The following ENOX1 variants were observed in gnomAD, a reference collection of about 807,000 sequenced individuals.
ENOX1 encodes candidate growth-related and time keeping constitutive hydroquinone (NADH) oxidase.
A neutral mutation model predicts 82.5 loss-of-function variants in ENOX1; 42 were observed. The ratio of observed to expected loss-of-function variants is 0.51; its 90% CI spans 0.40 to 0.66. The LOEUF (loss-of-function observed/expected upper bound fraction) is 0.66, where lower values mean the gene tolerates loss of function less well. ENOX1 is among the 30% of genes least tolerant of loss of function. ENOX1 has a pLI of 0.00. For synonymous variants in ENOX1, 271 were observed against 282.2 expected (o/e 0.96, Z 0.40); for missense variants, 608 against 811.6 (o/e 0.75, Z 3.05).
chr13:43,771,539 G>A (rs1233035720), intron 1 of ENOX1, among the ~76,000 whole-genome samples: 1 of 152,106 alleles, frequency 6.6e-6, no homozygotes, highest in Non-Finnish European at 1.5e-5. Context: ...TTCTTTGAAA[G>A]ACTTTTGAAA....
chr13:43,663,554 C>T (rs2084833673), intron 2 of ENOX1, among the ~76,000 whole-genome samples: 1 of 152,126 alleles, frequency 6.6e-6, no homozygotes, highest in Admixed American at 6.6e-5. Context: ...AAAAGGTATA[C>T]TTAGTTTTAT....
At chr13:43,538,602 CTATT>C (rs1472738099) in intron 2 of ENOX1, among the ~76,000 whole-genome samples, 1 of 152,104 alleles carries the variant, frequency 6.6e-6, no homozygotes, top group Non-Finnish European at 1.5e-5. Context: ...CATGTATTAA[CTATT>C]TAATATATTA....
At chr13:43,555,875 C>T (rs1038573154) in intron 2 of ENOX1, among the ~76,000 whole-genome samples, 18 of 152,112 alleles carry the variant, frequency 1.2e-4, no homozygotes, top group Non-Finnish European at 8.8e-5. Context: ...TATGAATCTG[C>T]CCACTGCAGC....
intron 3 of ENOX1, among the ~76,000 whole-genome samples, chr13:43,472,375 T>C (rs1221251246): frequency 6.6e-6 from 1 of 152,230 alleles, no homozygotes; most frequent in Non-Finnish European, 1.5e-5. Context: ...GATTTTTTTC[T>C]ACATGTGAAT....
At chr13:43,233,841 G>A (rs1053337191) in intron 15 of ENOX1, among the ~76,000 whole-genome samples, 1 of 152,136 alleles carries the variant, frequency 6.6e-6, no homozygotes, top group African/African-American at 2.4e-5. Context: ...CTTCTAGGCT[G>A]GCCTAGAGCA....
At chr13:43,496,469 G>A (rs1170367271) in intron 2 of ENOX1, among the ~76,000 whole-genome samples, 1 of 151,338 alleles carries the variant, frequency 6.6e-6, no homozygotes, top group Non-Finnish European at 1.5e-5. Flanking sequence ...GACTGTAACC[G>A]AGTACCCCTG....
At chr13:43,406,639 C>T (rs1378074883) in intron 5 of ENOX1, among the ~76,000 whole-genome samples, 1 of 151,814 alleles carries the variant, frequency 6.6e-6, no homozygotes, top group Non-Finnish European at 1.5e-5. Context: ...ACTACAGGTG[C>T]CCGCCACCAT....
intron 13 of ENOX1, among the ~76,000 whole-genome samples, chr13:43,266,903 G>T (rs746746310): frequency 2.0e-4 from 31 of 152,242 alleles, no homozygotes; most frequent in Non-Finnish European, 4.1e-4. Context: ...GGACTATTTT[G>T]TGAATGTCTG....
At chr13:43,512,385 T>C (rs1199518873) in intron 2 of ENOX1, among the ~76,000 whole-genome samples, 1 of 152,090 alleles carries the variant, frequency 6.6e-6, no homozygotes, top group East Asian at 1.9e-4. Context: ...AACAAATGTA[T>C]TAAAAAAAGC....
chr13:43,563,593 G>T (rs935028973), intron 2 of ENOX1, among the ~76,000 whole-genome samples: 1 of 152,066 alleles, frequency 6.6e-6, no homozygotes, highest in African/African-American at 2.4e-5. Flanking sequence ...TGAAAAGTTG[G>T]TTTTTCGAAA....
intron 2 of ENOX1, among the ~76,000 whole-genome samples, chr13:43,516,505 T>C (rs1400806318): frequency 6.6e-6 from 1 of 152,098 alleles, no homozygotes; most frequent in Non-Finnish European, 1.5e-5. Context: ...AAGCAAGGAT[T>C]TTGAGAACTC....
At chr13:43,293,004 C>T (rs1362299143) in intron 12 of ENOX1, among the ~76,000 whole-genome samples, 3 of 152,016 alleles carry the variant, frequency 2.0e-5, no homozygotes, top group Middle Eastern at 3.4e-3. Flanking sequence ...CCACAACCAA[C>T]ATTAGCATCA....
intron 2 of ENOX1, among the ~76,000 whole-genome samples, chr13:43,499,813 A>C (rs538221174): frequency 6.6e-6 from 1 of 152,242 alleles, no homozygotes; most frequent in African/African-American, 2.4e-5. Flanking sequence ...AATTATCTTA[A>C]AGAAGCTCAG....
At chr13:43,255,744 A>G (rs1347407192) in intron 14 of ENOX1, among the ~76,000 whole-genome samples, 1 of 152,176 alleles carries the variant, frequency 6.6e-6, no homozygotes, top group African/African-American at 2.4e-5. Context: ...GACAATTATG[A>G]AAGACTGATG....
intron 9 of ENOX1, among the ~76,000 whole-genome samples, chr13:43,330,867 T>C (rs1335845287): frequency 6.6e-6 from 1 of 152,226 alleles, no homozygotes; most frequent in African/African-American, 2.4e-5. Context: ...TACACACATA[T>C]ATGTATATAT....
chr13:43,443,981 C>G (rs1023379192), intron 3 of ENOX1, among the ~76,000 whole-genome samples: 1 of 152,100 alleles, frequency 6.6e-6, no homozygotes, highest in Non-Finnish European at 1.5e-5. Context: ...CGGATCCTAG[C>G]TGTTTAGGAA....
intron 1 of ENOX1, among the ~76,000 whole-genome samples, chr13:43,689,586 T>C (rs1390922843): frequency 6.6e-6 from 1 of 152,220 alleles, no homozygotes; most frequent in African/African-American, 2.4e-5. Context: ...AGATTTTCAT[T>C]ACCATGCAGA....
At chr13:43,566,099 A>G (rs1035055920) in intron 2 of ENOX1, among the ~76,000 whole-genome samples, 9 of 152,228 alleles carry the variant, frequency 5.9e-5, no homozygotes, top group Non-Finnish European at 1.0e-4. Flanking sequence ...GCCAAGTTTC[A>G]ACTAAATGTT....
intron 2 of ENOX1, among the ~76,000 whole-genome samples, chr13:43,489,254 C>G (rs1158934519): frequency 6.6e-6 from 1 of 152,098 alleles, no homozygotes; most frequent in Non-Finnish European, 1.5e-5. Context: ...CCTGGGGGAT[C>G]TGGGGACTCA....
Sources: allele counts gnomAD v4.1 joint callset (sites outside exome capture counted in the v4.1 genomes callset), GRCh38; gene constraint gnomAD v4.1.1; transcripts MANE v1.5; gene names NCBI Gene and HGNC (gene_info 2026-07-23, HGNC 2026-07-21).